Variants in ZNF148 observed in about 807,000 individuals in gnomAD.
ZNF148 encodes Beta-Enolase Repressor Factor-1.
Under a neutral mutation model 67.7 loss-of-function variants are expected in ZNF148, and 7 were observed. The ratio of observed to expected loss-of-function variants is 0.10; its 90% CI spans 0.06 to 0.19. The LOEUF (loss-of-function observed/expected upper bound fraction) is 0.19. Ranked by LOEUF, ZNF148 falls within the 10% of genes least tolerant of loss-of-function variation. The pLI is 1.00. For synonymous variants in ZNF148, 333 were observed against 330.7 expected, an observed-to-expected ratio of 1.01 and a Z score of -0.08; for missense variants, 583 against 947.1, an observed-to-expected ratio of 0.62 and a Z score of 5.05.
chr3:125,357,983 T>G (rs1483755651), intron 1 of ZNF148, among the ~76,000 whole-genome samples: 1 of 151,864 alleles, frequency 6.6e-6, no homozygotes, highest in Non-Finnish European at 1.5e-5. Flanking sequence ...CTAAACCATC[T>G]TTCCATTTTA....
chr3:125,325,887 GAAAGC>G (rs994269024), intron 2 of ZNF148, among the ~76,000 whole-genome samples: 1 of 152,128 alleles, frequency 6.6e-6, no homozygotes, highest in African/African-American at 2.4e-5. Context: ...CAAACTTGTT[GAAAGC>G]AAACCCAAGG....
Position 125,290,075 on chromosome 3 carries a change from C to T in ZNF148, c.334-1847G>A, listed in dbSNP as rs560890871. Among the ~76,000 whole-genome samples, 5 of 152,280 alleles carry T rather than the reference C, an allele frequency of 3.3e-5. No individual in the cohort carries two copies. The East Asian group carries it at 7.7e-4, about 24-fold the overall frequency. On this transcript the variant is annotated intron_variant, in intron 4 of 8. Coordinates refer to ENST00000360647, the MANE Select transcript of ZNF148 (RefSeq NM_021964.3). ...ACCACCACTCTACCTGCCCTTCTTT[C>T]TTCAGATTTGACTAAACTCAGACAT...
chr3:125,358,417 C>G (rs1942435895), intron 1 of ZNF148, among the ~76,000 whole-genome samples: 1 of 152,188 alleles, frequency 6.6e-6, no homozygotes, highest in Non-Finnish European at 1.5e-5. Context: ...TTATCAGCTC[C>G]TACCAAATCA....
Position 125,239,836 on chromosome 3 carries a change from AAAAG to A in ZNF148, c.668-5511_668-5508del, listed in dbSNP as rs1017734040. 5.9e-5 allele frequency among the ~76,000 whole-genome samples: 9 copies of A among 152,340 alleles called. No homozygotes were observed. The East Asian group carries it at 1.2e-3, about 20-fold the overall frequency. ...TGGAATGGAATATTACTCAACTATA[AAAAG>A]AAAGAAAGTGCAGGCTACACACATG... On this transcript the variant is annotated intron_variant, in intron 7 of 8. Transcript: ENST00000360647.
At chr3:125,343,263 T>C (rs1302141084) in intron 1 of ZNF148, among the ~76,000 whole-genome samples, 1 of 151,894 alleles carries the variant, frequency 6.6e-6, no homozygotes, top group Non-Finnish European at 1.5e-5. Context: ...GTACATTTAG[T>C]AAAAATGCAA....
chr3:125,277,246 C>G (rs1938124361), intron 7 of ZNF148, among the ~76,000 whole-genome samples: 1 of 152,126 alleles, frequency 6.6e-6, no homozygotes, highest in Admixed American at 6.5e-5. Context: ...TAGTAATCCT[C>G]TAGAATATTT....
At chr3:125,356,521 C>G (rs895520889) in intron 1 of ZNF148, among the ~76,000 whole-genome samples, 1 of 152,126 alleles carries the variant, frequency 6.6e-6, no homozygotes, top group East Asian at 1.9e-4. Flanking sequence ...ATCTAAAAAT[C>G]TGAATAGGAT....
chr3:125,271,746 G>A, intron 7 of ZNF148, among the ~76,000 whole-genome samples: 1 of 152,150 alleles, frequency 6.6e-6, no homozygotes, highest in Non-Finnish European at 1.5e-5. Flanking sequence ...ATTTACTTAA[G>A]TATCACTAGG....
chr3:125,350,996 C>A (rs1368751642), intron 1 of ZNF148, among the ~76,000 whole-genome samples: 1 of 152,114 alleles, frequency 6.6e-6, no homozygotes, highest in African/African-American at 2.4e-5. Flanking sequence ...TAGTCAATCT[C>A]ATAGGAGCAG....
intron 1 of ZNF148, among the ~76,000 whole-genome samples, chr3:125,371,921 G>A (rs561262680): frequency 6.6e-5 from 10 of 151,214 alleles, no homozygotes; most frequent in African/African-American, 1.7e-4. Context: ...AAAATTAGCC[G>A]GGCGTGGTGG....
chr3:125,276,275 C>T (rs189089555), intron 7 of ZNF148, among the ~76,000 whole-genome samples: 1 of 152,132 alleles, frequency 6.6e-6, no homozygotes, highest in African/African-American at 2.4e-5. Flanking sequence ...TTTTTTCTCC[C>T]ACAGTGCCTA....
chr3:125,287,149 T>C (rs1938703382), intron 5 of ZNF148, among the ~76,000 whole-genome samples: 1 of 152,146 alleles, frequency 6.6e-6, no homozygotes. Flanking sequence ...ATGATTATGA[T>C]TTCAAATCAC....
intron 7 of ZNF148, among the ~76,000 whole-genome samples, chr3:125,249,825 C>A (rs1936762237): frequency 6.6e-6 from 1 of 151,926 alleles, no homozygotes; most frequent in Non-Finnish European, 1.5e-5. Context: ...TGTGTGTGTA[C>A]ATAATGAAAT....
intron 1 of ZNF148, among the ~76,000 whole-genome samples, chr3:125,349,189 C>T (rs1942051919): frequency 1.3e-5 from 2 of 152,174 alleles, no homozygotes. Flanking sequence ...TAGGATTTGA[C>T]ACCAAAAGCA....
chr3:125,314,141 C>A (rs1283010079), intron 3 of ZNF148, among the ~76,000 whole-genome samples: 1 of 152,052 alleles, frequency 6.6e-6, no homozygotes, highest in African/African-American at 2.4e-5. Flanking sequence ...TATCATATTT[C>A]ATCTACCAAA....
rs533202059 is a variant in ZNF148 at position 125,309,605 on chromosome 3, A to C, written c.333+3703T>G. Among the ~76,000 whole-genome samples, 821 of 151,440 alleles carry C rather than the reference A, an allele frequency of 5.4e-3. 6 individuals are homozygous for C. The highest frequency in any genetic ancestry group is 0.019 in the African/African-American group (775 of 41,342). ...GGGCTGAACTACAGTTAAAAAAAAA[A>C]GTTGGATAAGGGACGGGATTATGAC... On this transcript the variant is annotated intron_variant, in intron 4 of 8. Coordinates refer to ENST00000360647, the MANE Select transcript of ZNF148 (RefSeq NM_021964.3).
chr3:125,307,237 G>A (rs1339366105), intron 4 of ZNF148, among the ~76,000 whole-genome samples: 2 of 151,966 alleles, frequency 1.3e-5, no homozygotes, highest in African/African-American at 4.8e-5. Flanking sequence ...AGAGAATAAT[G>A]ACAGGATATT....
rs1935987834 is a variant in ZNF148 at position 125,234,423 on chromosome 3, A to C, written c.668-94T>G. 3.5e-6 allele frequency: 3 copies of C among 858,666 alleles called. No individual in the cohort carries two copies. The African/African-American group carries it at 5.1e-5, about 15-fold the overall frequency. The allele number at this position is 858,666 out of a possible 1,614,324, so 53.2% of individuals were successfully genotyped here. A position where few individuals can be genotyped will look rare whatever the true frequency, so the allele number is the denominator to read the frequency against. ...AATCTCTAAAATAAATGGCTTTTGA[A>C]AGTTGTAACTTCCAATTTCATTTGT... On this transcript the variant is annotated intron_variant, in intron 7 of 8. Coordinates refer to ENST00000360647, the MANE Select transcript of ZNF148 (RefSeq NM_021964.3).
rs758894721 is a variant in ZNF148, at chr3:125,288,149, A to G, written c.413T>C (p.Val138Ala). The G allele has an allele frequency of 6.2e-7, 1 of 1,613,900 alleles. No homozygotes were observed. The highest frequency in any genetic ancestry group is 8.5e-7 in the Non-Finnish European group (1 of 1,179,894). Residue 138 changes from valine to alanine, a missense_variant, in exon 5 of 9, where the codon GTA becomes GCA. Val to Ala is a moderately conservative substitution (Grantham distance 64, BLOSUM62 0). Around this residue, in one of 5 missense-constraint regions of ZNF148, gnomAD observed 150 missense variants for 202.5 expected, o/e 0.74. Coordinates refer to ENST00000360647, the MANE Select transcript of ZNF148 (RefSeq NM_021964.3). ...CCGCTTCTTCTTTTTCTGTAAGTCT[A>G]CTGGCTCTCTGATTTGTTTTTTGTC... ...MRDKKQIREP[V>A]DLQKKKKRKQ...
Sources: allele counts gnomAD v4.1 joint callset (sites outside exome capture counted in the v4.1 genomes callset), GRCh38; gene constraint gnomAD v4.1.1; regional missense constraint gnomAD v4.1.1; transcripts MANE v1.5; gene names NCBI Gene and HGNC (gene_info 2026-07-23, HGNC 2026-07-21).